The following COBL variants were observed in gnomAD, a reference collection of about 807,000 sequenced individuals.
The protein encoded by COBL is cordon-bleu WH2 repeat protein.
Under a neutral mutation model 98.8 loss-of-function variants are expected in COBL, and 51 were observed. The observed-to-expected ratio is 0.52, with a 90% confidence interval of 0.41 to 0.65. COBL has a LOEUF of 0.65. Ranked by LOEUF, COBL falls within the 30% of genes least tolerant of loss-of-function variation. The pLI is 0.00. For synonymous variants in COBL, 634 were observed against 651.7 expected (o/e 0.97, Z 0.41); for missense variants, 1,617 against 1,617.5 (o/e 1.00, Z 0.01).
intron 5 of COBL, among the ~76,000 whole-genome samples, chr7:51,176,186 G>A (rs1030951035): frequency 1.3e-5 from 2 of 152,068 alleles, no homozygotes. Context: ...GCAAGTCTCT[G>A]GTTAAATCAT....
chr7:51,241,377 T>C (rs1351575012), intron 1 of COBL, among the ~76,000 whole-genome samples: 1 of 152,286 alleles, frequency 6.6e-6, no homozygotes, highest in South Asian at 2.1e-4. Flanking sequence ...TTTTAGAACA[T>C]AAATGAACCA....
At chr7:51,017,800 C>A (rs1786429235) in intron 12 of COBL, among the ~76,000 whole-genome samples, 1 of 152,182 alleles carries the variant, frequency 6.6e-6, no homozygotes, top group Admixed American at 6.5e-5. Context: ...TAGCAGGATG[C>A]AGAGGCCCGA....
chr7:51,025,070 T>G, intron 12 of COBL, 39 bp downstream of exon 12: 1 of 1,611,604 alleles, frequency 6.2e-7, no homozygotes, highest in Non-Finnish European at 8.5e-7. Flanking sequence ...CCTCCAACCC[T>G]CTGGCCCCAT....
chr7:51,150,955 G>GC (rs1199190358), intron 5 of COBL, among the ~76,000 whole-genome samples: 1 of 152,142 alleles, frequency 6.6e-6, no homozygotes, highest in African/African-American at 2.4e-5. Flanking sequence ...TTCTTCAGGA[G>GC]CAAGAGTCAC....
chr7:51,185,863 C>G (rs1360459924), intron 4 of COBL, among the ~76,000 whole-genome samples: 2 of 152,252 alleles, frequency 1.3e-5, no homozygotes, highest in Non-Finnish European at 2.9e-5. Context: ...AGCGTCCACA[C>G]AGCAAAGCAA....
chr7:51,152,360 A>G (rs1785643472), intron 5 of COBL, among the ~76,000 whole-genome samples: 1 of 152,194 alleles, frequency 6.6e-6, no homozygotes, highest in African/African-American at 2.4e-5. Context: ...AGCTACCCTG[A>G]ATCCCACTCC....
intron 1 of COBL, among the ~76,000 whole-genome samples, chr7:51,282,965 A>G (rs974505840): frequency 6.6e-6 from 1 of 152,180 alleles, no homozygotes; most frequent in African/African-American, 2.4e-5. Flanking sequence ...GGAGAAAGAG[A>G]ACTCTGAGGG....
At chr7:51,154,251 G>A (rs1464347914) in intron 5 of COBL, among the ~76,000 whole-genome samples, 1 of 152,186 alleles carries the variant, frequency 6.6e-6, no homozygotes, top group Non-Finnish European at 1.5e-5. Flanking sequence ...AAACCATGAG[G>A]GTGGTTTTAA....
In COBL at chr7:51,191,006, G is replaced by A. The variant is rs1219970768; in HGVS notation, c.529C>T (p.Leu177Phe). 2 of 1,614,176 alleles carry A rather than the reference G, an allele frequency of 1.2e-6. No homozygotes were observed. The highest frequency in any genetic ancestry group is 1.7e-6 in the Non-Finnish European group (2 of 1,180,044). The change falls in exon 4 of 13, where the codon CTC becomes TTC. Residue 177 changes from leucine to phenylalanine, a missense_variant. Physicochemically the swap from Leu to Phe is conservative, Grantham distance 22. Around this residue, in one of 3 missense-constraint regions of COBL, gnomAD observed 75 missense variants for 120.5 expected, o/e 0.62. Coordinates refer to ENST00000265136, the MANE Select transcript of COBL (RefSeq NM_015198.5). Reference protein sequence around the residue: ...AVVRVSPEVPLQNILPVICAK... With the variant: ...AVVRVSPEVPFQNILPVICAK... ...CAAATGACTGGGAGAATATTCTGGA[G>A]AGGAACCTCAGGGCTCACACGCACA... is the stretch of plus-strand genomic sequence containing the variant.
intron 6 of COBL, among the ~76,000 whole-genome samples, chr7:51,092,166 T>C (rs1794875017): frequency 6.6e-6 from 1 of 152,174 alleles, no homozygotes; most frequent in Admixed American, 6.5e-5. Flanking sequence ...GCACTCCTTA[T>C]GGGAATCTAA....
intron 1 of COBL, among the ~76,000 whole-genome samples, chr7:51,222,939 T>C (rs1178804431): frequency 1.3e-5 from 2 of 152,130 alleles, no homozygotes; most frequent in Non-Finnish European, 2.9e-5. Flanking sequence ...AGAGGCACCC[T>C]TGTAATAGAA....
At chr7:51,109,348 T>A (rs968617479) in intron 6 of COBL, among the ~76,000 whole-genome samples, 4 of 152,176 alleles carry the variant, frequency 2.6e-5, no homozygotes, top group Admixed American at 1.3e-4. Context: ...CCTGTAGACA[T>A]TTCAGCTCCA....
intron 12 of COBL, among the ~76,000 whole-genome samples, chr7:51,023,219 C>T (rs1469608029): frequency 6.6e-6 from 1 of 152,152 alleles, no homozygotes; most frequent in Admixed American, 6.5e-5. Flanking sequence ...TCACTTTTCC[C>T]TCATTTTACA....
chr7:51,211,237 T>C (rs571819056), intron 2 of COBL, among the ~76,000 whole-genome samples: 11 of 152,240 alleles, frequency 7.2e-5, no homozygotes, highest in South Asian at 2.1e-4. Flanking sequence ...GCTTTGCCCA[T>C]TGATTAGGGA....
At chr7:51,208,272 G>A (rs1209513097) in intron 2 of COBL, among the ~76,000 whole-genome samples, 20 of 151,366 alleles carry the variant, frequency 1.3e-4, no homozygotes, top group Middle Eastern at 6.8e-3. Flanking sequence ...CCCTCCGCCC[G>A]GCAGCCACCC....
At chr7:51,217,340 CTTTTT>C (rs937958755) in intron 2 of COBL, among the ~76,000 whole-genome samples, 1 of 127,718 alleles carries the variant, frequency 7.8e-6, no homozygotes, top group African/African-American at 3.0e-5. Flanking sequence ...TTTTCTTTTT[CTTTTT>C]TTTTTTTTTT....
At chr7:51,040,180 G>C (rs1273734760) in intron 8 of COBL, among the ~76,000 whole-genome samples, 1 of 141,248 alleles carries the variant, frequency 7.1e-6, no homozygotes, top group Non-Finnish European at 1.5e-5. Context: ...TGTCAGTTGA[G>C]ATAATTTCTG....
At chr7:51,181,883 C>T (rs1789000790) in intron 5 of COBL, among the ~76,000 whole-genome samples, 1 of 151,890 alleles carries the variant, frequency 6.6e-6, no homozygotes, top group African/African-American at 2.4e-5. Context: ...AATCCACGGA[C>T]GGGACTGGAT....
intron 7 of COBL, among the ~76,000 whole-genome samples, chr7:51,076,709 TG>T (rs111775697): frequency 6.6e-6 from 1 of 151,714 alleles, no homozygotes; most frequent in Non-Finnish European, 1.5e-5. Flanking sequence ...TATCCCTTGT[TG>T]GGGGGGGTTG....
Sources: allele counts gnomAD v4.1 joint callset (sites outside exome capture counted in the v4.1 genomes callset), GRCh38; gene constraint gnomAD v4.1.1; regional missense constraint gnomAD v4.1.1; transcripts MANE v1.5; gene names NCBI Gene and HGNC (gene_info 2026-07-23, HGNC 2026-07-21).